Variants in ZNF557 observed in about 807,000 individuals in gnomAD.
ZNF557 encodes zinc finger protein 557.
ZNF557 carries 19 observed loss-of-function variants against 21.2 expected under a neutral mutation model. The observed-to-expected ratio is 0.90, with a 90% CI of 0.63 to 1.32. The LOEUF is 1.32. Among genes scored for constraint, ZNF557 ranks in the 40% most tolerant of loss-of-function variants. The probability of loss-of-function intolerance (pLI) is 0.00; values close to 1 mark genes in which losing one functional copy is unlikely to be tolerated. For missense variants in ZNF557, 487 were observed against 519.8 expected, an observed-to-expected ratio of 0.94 and a Z score of 0.61; for synonymous variants, 207 against 194.8, an observed-to-expected ratio of 1.06 and a Z score of -0.52.
At chr19:7,074,297 C>T (rs1306765520) in intron 2 of ZNF557, among the ~76,000 whole-genome samples, 10 of 150,254 alleles carry the variant, frequency 6.7e-5, no homozygotes, top group African/African-American at 9.8e-5. Context: ...GGAGCCACCG[C>T]GCCTGGCCAG....
intron 1 of ZNF557, 75 bp downstream of exon 1, chr19:7,069,848 G>A (rs923248357): frequency 1.3e-5 from 2 of 152,324 alleles, no homozygotes; most frequent in African/African-American, 4.8e-5. Flanking sequence ...CGCCCCTGAG[G>A]CCTCGGGCTG....
At position 7,081,332 on chromosome 19, in the gene ZNF557, A is replaced by G. The variant is rs1183622224; in HGVS notation, c.248-28A>G. The G allele has an allele frequency of 3.3e-6, 5 of 1,510,788 alleles. No individual in the cohort carries two copies. The South Asian group carries it at 5.6e-5, about 17-fold the overall frequency. 93.6% of individuals were successfully genotyped at this position (1,510,788 alleles called of 1,614,324 possible). ...AGCTTGTCTGCTGCACAGTCCCCCT[A>G]CATCATGTGTCTTTTCTCCATGTAC... On this transcript the variant is annotated intron_variant, in intron 5 of 7. Transcript: ENST00000252840.
chr19:7,079,228 CAT>C (rs1977643060), intron 5 of ZNF557, among the ~76,000 whole-genome samples: 1 of 71,930 alleles, frequency 1.4e-5, no homozygotes, highest in Non-Finnish European at 2.9e-5. Flanking sequence ...CAGTTTCATT[CAT>C]TTTTTGTTTC....
At position 7,084,866 on chromosome 19, in the gene ZNF557, C is replaced by G. The variant is rs1231024834; in HGVS notation, c.*1122C>G. The G allele has an allele frequency of 6.6e-6, 1 of 152,122 alleles. No homozygotes were observed. The highest frequency in any genetic ancestry group is 1.5e-5 in the Non-Finnish European group (1 of 68,034). 9.4% of individuals were successfully genotyped at this position (152,122 alleles called of 1,614,324 possible). A position where few individuals can be genotyped will look rare whatever the true frequency, so the allele number is the denominator to read the frequency against. ...GGCTTCAGGGAGTCACATGACAACT[C>G]ACAATAAGGGGAAACCCTGTGTGTG... On this transcript the variant is annotated 3_prime_UTR_variant, in exon 8 of 8. Coordinates refer to ENST00000252840, the MANE Select transcript of ZNF557 (RefSeq NM_024341.3).
chr19:7,077,122 T>C (rs1404042848), intron 5 of ZNF557, among the ~76,000 whole-genome samples: 1 of 128,630 alleles, frequency 7.8e-6, no homozygotes, highest in Non-Finnish European at 1.6e-5. Flanking sequence ...CTTAGCATAA[T>C]GTTTTCTTTC....
chr19:7,076,078 C>T (rs7507465), intron 4 of ZNF557, among the ~76,000 whole-genome samples: 2,928 of 152,252 alleles, frequency 0.019, 70 homozygotes, highest in African/African-American at 0.065. Flanking sequence ...TGCCATGTCA[C>T]GGGCCCATGA....
intron 2 of ZNF557, among the ~76,000 whole-genome samples, chr19:7,072,573 T>C (rs1243744478): frequency 6.6e-6 from 1 of 152,216 alleles, no homozygotes; most frequent in Non-Finnish European, 1.5e-5. Context: ...TGGCCCCTTA[T>C]TTGTCCACAT....
intron 5 of ZNF557, among the ~76,000 whole-genome samples, chr19:7,080,471 C>G (rs1179956722): frequency 6.6e-6 from 1 of 152,190 alleles, no homozygotes; most frequent in Non-Finnish European, 1.5e-5. Context: ...ACTTCCCTCT[C>G]CACCCTCCAG....
Position 7,084,525 on chromosome 19 carries a change from T to C in ZNF557, c.*781T>C, listed in dbSNP as rs1977793223. 6.6e-6 allele frequency: 1 copy of C among 151,980 alleles called. No individual in the cohort carries two copies. Among genetic ancestry groups the C allele is most frequent in the Non-Finnish European group, 1.5e-5 (1 of 68,000 alleles). 9.4% of individuals were successfully genotyped at this position (151,980 alleles called of 1,614,324 possible). The stretch of plus-strand genomic sequence containing the variant: ...GACACCATGTCTGGCTAATTTGTTT[T>C]TTTTTAAACTAGAGGGAGGGTTTTG... On this transcript the variant is annotated 3_prime_UTR_variant, in exon 8 of 8. Coordinates refer to ENST00000252840, the MANE Select transcript of ZNF557 (RefSeq NM_024341.3).
At position 7,082,053 on chromosome 19, in the gene ZNF557, G is replaced by A; in HGVS notation, c.426+1G>A. 1 of 1,610,874 alleles carries A rather than the reference G, an allele frequency of 6.2e-7. No homozygotes were observed. Among genetic ancestry groups the A allele is most frequent in the Non-Finnish European group, 8.5e-7 (1 of 1,177,160 alleles). On this transcript the variant is annotated splice_donor_variant, in intron 7 of 7. Coordinates refer to ENST00000252840, the MANE Select transcript of ZNF557 (RefSeq NM_024341.3). LOFTEE classifies it high-confidence loss of function. ...AGAACAATCTAGAAATATGAAAATG[G>A]TAAGACTAACATGGGTGATTCCTGG...
intron 5 of ZNF557, 141 bp from the exon 6 acceptor site, chr19:7,081,219 C>A: frequency 3.3e-5 from 16 of 482,942 alleles, no homozygotes; most frequent in Non-Finnish European, 4.3e-5. Context: ...AAGACGGTTG[C>A]TATATTTATT....
At chr19:7,082,127 C>A (rs947966797) in intron 7 of ZNF557, 75 bp downstream of exon 7, 3 of 1,227,030 alleles carry the variant, frequency 2.4e-6, no homozygotes. Context: ...CAAGGACTGG[C>A]CTTGTTGGCC....
At chr19:7,079,518 C>G (rs147343392) in intron 5 of ZNF557, among the ~76,000 whole-genome samples, 2,940 of 152,064 alleles carry the variant, frequency 0.019, 107 homozygotes, top group Admixed American at 0.095. Context: ...GGGATTACAG[C>G]CATGAGCCAC....
At position 7,083,641 on chromosome 19, in the gene ZNF557, C is replaced by T. The variant is rs756463456; in HGVS notation, c.1190C>T (p.Thr397Ile). Residue 397 changes from threonine to isoleucine, a missense_variant, in exon 8 of 8, where the codon ACT (threonine) becomes ATT (isoleucine). Thr to Ile is a moderately conservative substitution (Grantham distance 89). Transcript: ENST00000252840. ...VLSSVKKHMRTHTGKKPYECN... is the reference protein window; with the variant it reads ...VLSSVKKHMRIHTGKKPYECN... ...TCATCCGTTAAGAAACACATGAGAACTCACACTGGAAAAAAACCCTATGAA... is the reference window on the plus strand; with the variant it reads ...TCATCCGTTAAGAAACACATGAGAATTCACACTGGAAAAAAACCCTATGAA... 3.0e-5 allele frequency: 49 copies of T among 1,613,852 alleles called. No homozygotes were observed. The Admixed American group carries it at 7.5e-4, about 25-fold the overall frequency.
intron 5 of ZNF557, 40 bp from the exon 6 acceptor site, chr19:7,081,320 C>A: frequency 7.2e-7 from 1 of 1,393,796 alleles, no homozygotes; most frequent in Non-Finnish European, 1.0e-6. Flanking sequence ...TTGTCTGCTG[C>A]ACAGTCCCCC....
chr19:7,082,476 A>T (rs2145176354), intron 7 of ZNF557, among the ~76,000 whole-genome samples: 1 of 151,182 alleles, frequency 6.6e-6, no homozygotes, highest in South Asian at 2.1e-4. Context: ...GGAAAGTGTC[A>T]TTTTTTTCAA....
At chr19:7,079,707 G>T (rs945757592) in intron 5 of ZNF557, among the ~76,000 whole-genome samples, 1 of 152,082 alleles carries the variant, frequency 6.6e-6, no homozygotes, top group Non-Finnish European at 1.5e-5. Context: ...TGTAACGTCT[G>T]TATTGGTCAT....
chr19:7,075,047 G>C lies in ZNF557; in HGVS notation c.-28G>C, dbSNP rs1326945159. On this transcript the variant is annotated 5_prime_UTR_variant, in exon 3 of 8. Coordinates refer to ENST00000252840, the MANE Select transcript of ZNF557 (RefSeq NM_024341.3). ...TAAAGGAGGAGCGTCCTGCTTCCCGGCTGCCCTGTTGCTGTCGGAGTCACA... is the reference window on the plus strand; with the variant it reads ...TAAAGGAGGAGCGTCCTGCTTCCCGCCTGCCCTGTTGCTGTCGGAGTCACA... 1 of 1,613,916 alleles carries C rather than the reference G, an allele frequency of 6.2e-7. No individual in the cohort carries two copies. The highest frequency in any genetic ancestry group is 1.1e-5 in the South Asian group (1 of 91,086).
chr19:7,084,921 C>CA lies in ZNF557; in HGVS notation c.*1178dup, dbSNP rs1977801344. The CA allele has an allele frequency of 6.6e-6, 1 of 152,130 alleles. No individual in the cohort carries two copies. The highest frequency in any genetic ancestry group is 2.4e-5 in the African/African-American group (1 of 41,416). The allele number at this position is 152,130 out of a possible 1,614,324, so 9.4% of individuals were successfully genotyped here. The stretch of plus-strand genomic sequence containing the variant: ...CAAAAATGGAAAACCAGGGGACACT[C>CA]ATTCCTTAAGTCACATTTCGGAGAT... On this transcript the variant is annotated 3_prime_UTR_variant, in exon 8 of 8. Coordinates refer to ENST00000252840, the MANE Select transcript of ZNF557 (RefSeq NM_024341.3).
Sources: gnomAD v4.1 joint callset for allele counts (sites outside exome capture counted in the v4.1 genomes callset) on GRCh38, gnomAD v4.1.1 for gene constraint, MANE v1.5 for transcripts, NCBI Gene and HGNC (gene_info 2026-07-23, HGNC 2026-07-21) for gene names.